The following RTEL1 variants were observed in gnomAD, a reference collection of about 807,000 sequenced individuals.
RTEL1 encodes regulator of telomere length.
A neutral mutation model predicts 162.2 loss-of-function variants in RTEL1; 86 were observed. The ratio of observed to expected loss-of-function variants is 0.53; its 90% CI spans 0.45 to 0.63. The LOEUF (loss-of-function observed/expected upper bound fraction) is 0.63. RTEL1 is among the 30% of genes least tolerant of loss of function. The pLI is 0.00. For synonymous variants in RTEL1, 958 were observed against 717.9 expected, an observed-to-expected ratio of 1.33 and a Z score of -5.35; for missense variants, 1,941 against 1,750.2, an observed-to-expected ratio of 1.11 and a Z score of -1.95.
chr20:63,695,773 C>A lies in RTEL1; in HGVS notation c.3823-5C>A. The A allele has an allele frequency of 6.3e-7, 1 of 1,590,064 alleles. No individual in the cohort carries two copies. The highest frequency in any genetic ancestry group is 8.6e-7 in the Non-Finnish European group (1 of 1,168,876). ...GACGTGTGCAGTGGGCCGGTTGTCT[C>A]ACAGGCCTCTAGGATGTGCCCAGCC... On this transcript the variant is annotated splice_polypyrimidine_tract_variant and splice_region_variant and intron_variant, in intron 34 of 34. Coordinates refer to ENST00000360203, the MANE Select transcript of RTEL1 (RefSeq NM_001283009.2).
chr20:63,675,137 T>C (rs2090323413), intron 10 of RTEL1, among the ~76,000 whole-genome samples: 1 of 152,158 alleles, frequency 6.6e-6, no homozygotes, highest in African/African-American at 2.4e-5. Flanking sequence ...ACTCCTGACC[T>C]CACGTGATCC....
rs1479297656 is a variant in RTEL1 at position 63,689,878 on chromosome 20, C to A, written c.2141+13C>A. On this transcript the variant is annotated intron_variant, in intron 24 of 34. Coordinates refer to ENST00000360203, the MANE Select transcript of RTEL1 (RefSeq NM_001283009.2). The stretch of plus-strand genomic sequence containing the variant: ...TCTGTGACCACAGGTGCGTGCAGTC[C>A]GGTGGCAGGCGCGGCGCCAGGGGAC... 2 of 1,599,328 alleles carry A rather than the reference C, an allele frequency of 1.3e-6. No homozygotes were observed. Among genetic ancestry groups the A allele is most frequent in the African/African-American group, 1.3e-5 (1 of 74,776 alleles).
rs764405651 is a variant in RTEL1 at position 63,693,429 on chromosome 20, T to A, written c.2992+146T>A. 677 of 883,690 alleles carry A rather than the reference T, an allele frequency of 7.7e-4. 11 individuals are homozygous for A. Among genetic ancestry groups the A allele is most frequent in the Non-Finnish European group, 6.1e-4 (358 of 590,240 alleles). The allele number at this position is 883,690 out of a possible 1,614,324, so 54.7% of individuals were successfully genotyped here. A position where few individuals can be genotyped will look rare whatever the true frequency, so the allele number is the denominator to read the frequency against. The stretch of plus-strand genomic sequence containing the variant: ...TATGGGAGTGATGGGGGCCTCCACC[T>A]CCACCACCAGCACCAGCAGCACCAC... On this transcript the variant is annotated intron_variant, in intron 30 of 34. Transcript: ENST00000360203.
intron 29 of RTEL1, 35 bp downstream of exon 29, chr20:63,693,038 G>A (rs41308092): frequency 0.019 from 29,813 of 1,610,784 alleles, 339 homozygotes; most frequent in Non-Finnish European, 0.021. Context: ...CACCCTGAGG[G>A]CAGTGCTGCC....
chr20:63,665,937 A>T, intron 6 of RTEL1, 67 bp from the exon 7 acceptor site: 1 of 1,474,354 alleles, frequency 6.8e-7, no homozygotes, highest in South Asian at 1.2e-5. Context: ...TGTCCTGGGC[A>T]TCCCCCTGTG....
chr20:63,681,907 T>C, intron 14 of RTEL1: 1 of 985,424 alleles, frequency 1.0e-6, no homozygotes, highest in Non-Finnish European at 1.2e-6. Context: ...GGCTCCTGCC[T>C]GCCAAGGGCT....
rs766455566 is a variant in RTEL1, at chr20:63,694,454, C to A, written c.3075C>A (p.Gly1025=). The part of the protein sequence containing the change: ...QLDPQEHLNQ[G]RPHLSPRPPP... ...ACCCCCAAGAGCACCTGAACCAGGG[C>A]AGGCCCCACCTGTCGCCCAGGCCAC... Residue 1025 remains glycine (G), a synonymous_variant, in exon 31 of 35, where the codon GGC becomes GGA. Transcript: ENST00000360203. The A allele has an allele frequency of 1.2e-6, 2 of 1,606,298 alleles. No individual in the cohort carries two copies. Among genetic ancestry groups the A allele is most frequent in the East Asian group, 2.2e-5 (1 of 44,640 alleles).
Position 63,687,944 on chromosome 20 carries a change from C to T in RTEL1, c.1489C>T (p.Pro497Ser), listed in dbSNP as rs1264476480. 2 of 1,612,644 alleles carry T rather than the reference C, an allele frequency of 1.2e-6. No individual in the cohort carries two copies. Among genetic ancestry groups the T allele is most frequent in the East Asian group, 4.5e-5 (2 of 44,878 alleles). ...SFALEMQIPF[P>S]VCLENPHIID... ...CCCTCTGGCCACGCTCAGCCCTTTC[C>T]CAGTCTGCCTGGAGAACCCACACAT... The change falls in exon 18 of 35, where the codon CCA becomes TCA. Residue 497 changes from proline (P) to serine (S), a missense_variant. Pro to Ser is a moderately conservative substitution (Grantham distance 74). Coordinates refer to ENST00000360203, the MANE Select transcript of RTEL1 (RefSeq NM_001283009.2).
chr20:63,677,225 G>C (rs2090373189), intron 10 of RTEL1, among the ~76,000 whole-genome samples: 1 of 152,234 alleles, frequency 6.6e-6, no homozygotes, highest in Non-Finnish European at 1.5e-5. Flanking sequence ...CCATGCGGCA[G>C]CGGGTTGGTC....
rs2090172008 is a variant in RTEL1 at position 63,668,038 on chromosome 20, G to C, written c.699+485G>C. 7.1e-6 allele frequency among the ~76,000 whole-genome samples: 1 copy of C among 140,826 alleles called. No individual in the cohort carries two copies. The allele number at this position is 140,826 out of a possible 152,430, so 92.4% of individuals were successfully genotyped here. The stretch of plus-strand genomic sequence containing the variant: ...TCCCCCCACAGCATGTGCCCGGCCT[G>C]ACACTCACTCCCCTCCTCCCAGTGT... On this transcript the variant is annotated intron_variant, in intron 8 of 34. Coordinates refer to ENST00000360203, the MANE Select transcript of RTEL1 (RefSeq NM_001283009.2). This position sits in a 1 kb window ranked among gnomAD's most constrained non-coding sequence, Gnocchi z 4.3.
intron 26 of RTEL1, 62 bp downstream of exon 26, chr20:63,690,503 G>GGGGTGGGGGGGC: frequency 9.7e-7 from 1 of 1,028,424 alleles, no homozygotes; most frequent in Non-Finnish European, 1.4e-6. Flanking sequence ...CGTGGGGCGG[G>GGGGTGGGGGGGC]CAGCACCAGG....
rs753978578 is a variant in RTEL1 at position 63,687,756 on chromosome 20, T to C, written c.1467T>C (p.Ala489=). 2 of 1,578,074 alleles carry C rather than the reference T, an allele frequency of 1.3e-6. No individual in the cohort carries two copies. The highest frequency in any genetic ancestry group is 2.2e-4 in the Middle Eastern group (1 of 4,518). The change falls in exon 17 of 35, where the codon GCT becomes GCC. Residue 489 remains alanine, a synonymous_variant. Coordinates refer to ENST00000360203, the MANE Select transcript of RTEL1 (RefSeq NM_001283009.2). ...SGTLAPVSSF[A]LEMQIPFPVC... is the part of the protein sequence containing the mutation. ...CGCTGGCCCCGGTGTCCTCCTTTGC[T>C]CTGGAGATGCAGATGTACGGGCCAC...
chr20:63,667,287 ACAT>A (rs2090155534), intron 7 of RTEL1, among the ~76,000 whole-genome samples, 179 bp from the exon 8 acceptor site: 2 of 151,820 alleles, frequency 1.3e-5, no homozygotes, highest in South Asian at 2.1e-4. Context: ...TCGGAAACTC[ACAT>A]GGACTCCCCA....
At chr20:63,681,918 G>A (rs1357561862) in intron 14 of RTEL1, 1 of 985,276 alleles carries the variant, frequency 1.0e-6, no homozygotes, top group African/African-American at 1.7e-5. Context: ...GCCAAGGGCT[G>A]CTGTGCTGTC....
chr20:63,693,406 T>A, intron 30 of RTEL1, 123 bp downstream of exon 30: 1 of 1,157,490 alleles, frequency 8.6e-7, no homozygotes, highest in Admixed American at 2.2e-5. Context: ...TGTTCCCCTA[T>A]GGGAGTGATG....
At position 63,695,351 on chromosome 20, in the gene RTEL1, G is replaced by A. The variant is rs769538947; in HGVS notation, c.3523G>A (p.Gly1175Arg). ...AGGCCCCTCACGGTCCGAGAAGACC[G>A]GGAAGACCCAGAGCAAGATCTCGTC... ...QPGPSRSEKTGKTQSKISSFL... is the reference protein window; with the variant it reads ...QPGPSRSEKTRKTQSKISSFL... Residue 1175 changes from glycine (G) to arginine (R), a missense_variant, in exon 34 of 35, where the codon GGG becomes AGG. Coordinates refer to ENST00000360203, the MANE Select transcript of RTEL1 (RefSeq NM_001283009.2). 59 of 1,550,830 alleles carry A rather than the reference G, an allele frequency of 3.8e-5. 1 individual carries two copies. Among genetic ancestry groups the A allele is most frequent in the Non-Finnish European group, 4.4e-5 (51 of 1,148,658 alleles).
chr20:63,678,218 G>C (rs1329483014), intron 11 of RTEL1, 35 bp downstream of exon 11: 1 of 1,613,514 alleles, frequency 6.2e-7, no homozygotes, highest in Admixed American at 1.7e-5. Context: ...TTGCAGCTGG[G>C]TGGGGCCTCC....
At position 63,694,624 on chromosome 20, in the gene RTEL1, A is replaced by AC. The variant is rs2090922552; in HGVS notation, c.3110-113dup. 4 of 1,214,742 alleles carry AC rather than the reference A, an allele frequency of 3.3e-6. No homozygotes were observed. In the East Asian group the frequency reaches 9.9e-5, roughly 30 times the overall value. 75.2% of individuals were successfully genotyped at this position (1,214,742 alleles called of 1,614,324 possible). A position where few individuals can be genotyped will look rare whatever the true frequency, so the allele number is the denominator to read the frequency against. On this transcript the variant is annotated intron_variant, in intron 31 of 34. Coordinates refer to ENST00000360203, the MANE Select transcript of RTEL1 (RefSeq NM_001283009.2). ...TGGTGGGGACTGCTCCCGGTTCTGC[A>AC]CCCCGCAGTTGTCCTGAGCAGCTCT...
chr20:63,680,016 G>C, intron 13 of RTEL1, 70 bp downstream of exon 13: 1 of 1,082,420 alleles, frequency 9.2e-7, no homozygotes, highest in Admixed American at 2.2e-5. Flanking sequence ...CTCCATCTTG[G>C]CAGTCAGGGC....
Sources: gnomAD v4.1 joint callset for allele counts (sites outside exome capture counted in the v4.1 genomes callset) on GRCh38, gnomAD v4.1.1 for gene constraint, Gnocchi (gnomAD v3.1) non-coding constraint, MANE v1.5 for transcripts, NCBI Gene and HGNC (gene_info 2026-07-23, HGNC 2026-07-21) for gene names.